SPATA9: variants seen among roughly 807,000 people sequenced by gnomAD.
The protein encoded by SPATA9 is spermatogenesis-associated protein 9.
Under a neutral mutation model 25.5 loss-of-function variants are expected in SPATA9, and 27 were observed. That is an observed-to-expected ratio of 1.06 (90% CI 0.78 to 1.46). The LOEUF is 1.46. Ranked by LOEUF, SPATA9 falls within the 40% of genes most tolerant of loss-of-function variation. The pLI, the probability that SPATA9 is intolerant of heterozygous loss-of-function variation, is 0.00. For synonymous variants in SPATA9, 102 were observed against 105.7 expected (o/e 0.97, Z 0.21); for missense variants, 282 against 297.5 (o/e 0.95, Z 0.38).
chr5:95,668,269 G>T (rs1752018664), intron 3 of SPATA9, among the ~76,000 whole-genome samples: 1 of 152,126 alleles, frequency 6.6e-6, no homozygotes, highest in Non-Finnish European at 1.5e-5. Context: ...TATATGGTAT[G>T]CTTCTGAATA....
intron 2 of SPATA9, among the ~76,000 whole-genome samples, chr5:95,681,452 TCCTCCATGAAG>T (rs1320476560): frequency 7.2e-5 from 11 of 152,020 alleles, no homozygotes. Flanking sequence ...AAAGCATGCT[TCCTCCATGAAG>T]CCTTCTTTGA....
upstream of SPATA9, among the ~76,000 whole-genome samples, chr5:95,702,256 A>T (rs988957803): frequency 6.6e-6 from 1 of 152,124 alleles, no homozygotes; most frequent in African/African-American, 2.4e-5. Flanking sequence ...GTTATCTTCA[A>T]ATTTTTGGTA....
chr5:95,718,692 G>A, the SPATA9 span, among the ~76,000 whole-genome samples: 2 of 152,152 alleles, frequency 1.3e-5, no homozygotes, highest in Non-Finnish European at 1.5e-5. Flanking sequence ...TATGGGAATC[G>A]AAAAATCACA....
the SPATA9 span, among the ~76,000 whole-genome samples, chr5:95,714,423 C>T: frequency 2.0e-5 from 3 of 151,876 alleles, no homozygotes; most frequent in Admixed American, 6.6e-5. Context: ...AATCCTGTAG[C>T]AGAGAAGTTG....
chr5:95,665,271 A>G (rs973192073), intron 3 of SPATA9, among the ~76,000 whole-genome samples: 2 of 152,328 alleles, frequency 1.3e-5, no homozygotes, highest in East Asian at 3.9e-4. Context: ...TGTTAACCGT[A>G]GTCACCCTAC....
At chr5:95,673,961 A>G (rs980168956) in intron 3 of SPATA9, among the ~76,000 whole-genome samples, 1 of 152,048 alleles carries the variant, frequency 6.6e-6, no homozygotes, top group African/African-American at 2.4e-5. Context: ...GCTGGTCTCA[A>G]ACTCCTGAGC....
downstream of SPATA9, chr5:95,652,437 G>C: frequency 7.1e-7 from 1 of 1,413,180 alleles, no homozygotes; most frequent in Admixed American, 2.2e-5. Flanking sequence ...TCTCTACTTG[G>C]ATGTCTCTGA....
intron 2 of SPATA9, among the ~76,000 whole-genome samples, chr5:95,678,906 A>G (rs1753181672): frequency 6.6e-6 from 1 of 152,212 alleles, no homozygotes; most frequent in African/African-American, 2.4e-5. Flanking sequence ...CTTCAAAGGA[A>G]ATAGTGGGAA....
intron 3 of SPATA9, among the ~76,000 whole-genome samples, chr5:95,672,918 C>T (rs1752540409): frequency 1.3e-5 from 2 of 152,050 alleles, no homozygotes. Flanking sequence ...GCAGATTGGC[C>T]CTTCTGAGCA....
At chr5:95,720,503 C>T in the SPATA9 span, among the ~76,000 whole-genome samples, 1 of 152,172 alleles carries the variant, frequency 6.6e-6, no homozygotes, top group African/African-American at 2.4e-5. Flanking sequence ...TGGAGAGTTA[C>T]TAATAGTGTA....
chr5:95,724,734 G>A, the SPATA9 span, among the ~76,000 whole-genome samples: 1 of 152,184 alleles, frequency 6.6e-6, no homozygotes, highest in Non-Finnish European at 1.5e-5. Context: ...CTTTTTTCAG[G>A]TGGCCAAGTT....
intron 4 of SPATA9, among the ~76,000 whole-genome samples, chr5:95,660,868 C>T (rs1751194082): frequency 6.6e-6 from 1 of 152,106 alleles, no homozygotes; most frequent in African/African-American, 2.4e-5. Flanking sequence ...TGGATCTTCC[C>T]CTGCAATTTA....
chr5:95,685,337 C>T (rs1466497471), upstream of SPATA9, among the ~76,000 whole-genome samples: 2 of 152,160 alleles, frequency 1.3e-5, no homozygotes, highest in East Asian at 3.8e-4. Flanking sequence ...CTAATTGGAT[C>T]CTTCCCTCAA....
rs144694904 is a variant in SPATA9, at chr5:95,671,787, T to C, written c.378+3625A>G. The stretch of plus-strand genomic sequence containing the variant: ...TAATCATCTTAAAACTTGGAAGATA[T>C]TAAGAAGTAAAGCTGAAAAACATCT... On this transcript the variant is annotated intron_variant, in intron 3 of 4. Coordinates refer to ENST00000274432, the MANE Select transcript of SPATA9 (RefSeq NM_031952.4). Among the ~76,000 whole-genome samples the C allele has an allele frequency of 1.6e-4, 24 of 152,188 alleles. No individual in the cohort carries two copies. The East Asian group carries it at 4.4e-3, about 28-fold the overall frequency.
the SPATA9 span, among the ~76,000 whole-genome samples, chr5:95,712,992 C>T: frequency 6.6e-6 from 1 of 152,098 alleles, no homozygotes; most frequent in Non-Finnish European, 1.5e-5. Context: ...TTTGTTATTA[C>T]TGTAAGTGAA....
chr5:95,692,729 T>A (rs756026553), intron 1 of SPATA9, among the ~76,000 whole-genome samples: 4 of 152,078 alleles, frequency 2.6e-5, no homozygotes, highest in Non-Finnish European at 5.9e-5. Context: ...TTTTATAACT[T>A]CCCAGTAATT....
chr5:95,708,690 G>A, the SPATA9 span: 2 of 695,464 alleles, frequency 2.9e-6, no homozygotes, highest in South Asian at 1.5e-5. Context: ...CTGCTGCAAG[G>A]TTGACACTTT....
chr5:95,658,516 TAAGAAAGCAGAGCAA>T lies in SPATA9; in HGVS notation c.*92_*106del, dbSNP rs1750934197. ...AATAGTAGCCCCCTTCTCTTTTTTTTAAGAAAGCAGAGCAATTCAGAATATGTAAACTAGACTCTG... is the reference window on the plus strand; with the variant it reads ...AATAGTAGCCCCCTTCTCTTTTTTTTTTCAGAATATGTAAACTAGACTCTG... On this transcript the variant is annotated 3_prime_UTR_variant, in exon 5 of 5. Coordinates refer to ENST00000274432, the MANE Select transcript of SPATA9 (RefSeq NM_031952.4). 7.1e-7 allele frequency: 1 copy of T among 1,410,630 alleles called. No homozygotes were observed. The allele number at this position is 1,410,630 out of a possible 1,614,324, so 87.4% of individuals were successfully genotyped here. A position where few individuals can be genotyped will look rare whatever the true frequency, so the allele number is the denominator to read the frequency against.
chr5:95,653,641 G>A (rs535279149), downstream of SPATA9, among the ~76,000 whole-genome samples: 1 of 152,338 alleles, frequency 6.6e-6, no homozygotes, highest in East Asian at 1.9e-4. Context: ...GCTCACGCCT[G>A]TAATCCCAGC....
Sources: allele counts gnomAD v4.1 joint callset (sites outside exome capture counted in the v4.1 genomes callset), GRCh38; gene constraint gnomAD v4.1.1; transcripts MANE v1.5; gene names NCBI Gene and HGNC (gene_info 2026-07-23, HGNC 2026-07-21).